Variants in CKAP5 observed in about 807,000 individuals in gnomAD.
CKAP5 encodes cytoskeleton-associated protein 5.
Under a neutral mutation model 232.8 loss-of-function variants are expected in CKAP5, and 27 were observed. The observed-to-expected ratio is 0.12, with a 90% confidence interval of 0.09 to 0.16. The LOEUF is 0.16. Among genes scored for constraint, CKAP5 ranks in the 10% least tolerant of loss-of-function variants. The pLI is 1.00. For missense variants in CKAP5, 1,838 were observed against 2,424.7 expected, an observed-to-expected ratio of 0.76 and a Z score of 5.08; for synonymous variants, 785 against 841.1, an observed-to-expected ratio of 0.93 and a Z score of 1.16.
intron 42 of CKAP5, among the ~76,000 whole-genome samples, chr11:46,745,269 G>A (rs2065014054): frequency 6.6e-6 from 1 of 152,154 alleles, no homozygotes; most frequent in Non-Finnish European, 1.5e-5. Context: ...TAAGGTACTG[G>A]GAGGAAACAC....
At chr11:46,802,103 C>T (rs138631160) in intron 8 of CKAP5, 1 of 152,178 alleles carries the variant, frequency 6.6e-6, no homozygotes, top group African/African-American at 2.4e-5. Context: ...CTGCATTCTT[C>T]TGAGAACCAT....
chr11:46,828,680 A>G (rs1346610843), intron 1 of CKAP5, among the ~76,000 whole-genome samples: 1 of 152,240 alleles, frequency 6.6e-6, no homozygotes, highest in Non-Finnish European at 1.5e-5. Flanking sequence ...ACACAAATGG[A>G]TAATACCCTG....
chr11:46,803,540 T>C (rs1476804043), intron 8 of CKAP5, among the ~76,000 whole-genome samples: 1 of 152,104 alleles, frequency 6.6e-6, no homozygotes, highest in Non-Finnish European at 1.5e-5. Flanking sequence ...AGTGTTGGGA[T>C]TACAGATGTG....
intron 40 of CKAP5, 126 bp downstream of exon 40, chr11:46,750,992 G>T: frequency 9.1e-7 from 1 of 1,098,248 alleles, no homozygotes. Flanking sequence ...GCAGGAGACT[G>T]ATTCAACCAG....
At chr11:46,813,191 A>G (rs1420590170) in intron 4 of CKAP5, among the ~76,000 whole-genome samples, 2 of 152,178 alleles carry the variant, frequency 1.3e-5, no homozygotes, top group African/African-American at 2.4e-5. Flanking sequence ...ATTTTTTAAA[A>G]TGCTTTTATA....
rs1323091153 is a variant in CKAP5 at position 46,783,254 on chromosome 11, T to C, written c.2249+20A>G. ...GACAGAACATTTAACTATTTTCCAC[T>C]TGATTTCGTTCTGACTTACCCAGAA... is the stretch of plus-strand genomic sequence containing the variant. On this transcript the variant is annotated intron_variant, in intron 18 of 43. Coordinates refer to ENST00000529230, the MANE Select transcript of CKAP5 (RefSeq NM_001008938.4). 7.1e-7 allele frequency: 1 copy of C among 1,403,744 alleles called. No homozygotes were observed. The highest frequency in any genetic ancestry group is 1.2e-5 in the South Asian group (1 of 85,586). 87.0% of individuals were successfully genotyped at this position (1,403,744 alleles called of 1,614,324 possible).
Position 46,801,280 on chromosome 11 carries a change from T to G in CKAP5, c.1003A>C (p.Met335Leu), listed in dbSNP as rs755830639. The G allele has an allele frequency of 6.2e-7, 1 of 1,613,630 alleles. No individual in the cohort carries two copies. The highest frequency in any genetic ancestry group is 1.7e-5 in the Admixed American group (1 of 60,010). The change falls in exon 9 of 44, where the codon ATG (methionine) becomes CTG (leucine). Residue 335 changes from methionine to leucine, a missense_variant. Physicochemically the swap from Met to Leu is conservative, Grantham distance 15. Transcript: ENST00000529230. ...KKVVGKDTNVMLVALAAKCLT... is the reference protein window; with the variant it reads ...KKVVGKDTNVLLVALAAKCLT... Reference sequence around the variant, plus strand: ...CATTTTGCTGCCAAAGCCACCAACATGACATTGGTGTCCTTTCCAACAACC... The same window carrying G: ...CATTTTGCTGCCAAAGCCACCAACAGGACATTGGTGTCCTTTCCAACAACC...
chr11:46,751,301 T>G (rs377283816), intron 39 of CKAP5, 45 bp downstream of exon 39: 2 of 1,614,016 alleles, frequency 1.2e-6, no homozygotes, highest in South Asian at 2.2e-5. Context: ...ATTTCCATGA[T>G]TTTCTCTCAA....
At chr11:46,793,979 T>TC (rs1938808324) in intron 13 of CKAP5, among the ~76,000 whole-genome samples, 2 of 151,404 alleles carry the variant, frequency 1.3e-5, no homozygotes. Context: ...AAAATGATTT[T>TC]TGACAAGGGT....
intron 35 of CKAP5, among the ~76,000 whole-genome samples, chr11:46,755,357 G>T (rs1388471076): frequency 6.6e-6 from 1 of 151,988 alleles, no homozygotes; most frequent in Non-Finnish European, 1.5e-5. Context: ...AGGATTACAG[G>T]CGCCTGCCAC....
chr11:46,752,988 T>C (rs558620422), intron 37 of CKAP5: 169 of 427,262 alleles, frequency 4.0e-4, no homozygotes, highest in Non-Finnish European at 6.4e-4. Context: ...ACAAGAAAAA[T>C]GTAACTGACA....
chr11:46,789,482 A>T (rs1938646625), intron 15 of CKAP5, among the ~76,000 whole-genome samples: 1 of 152,188 alleles, frequency 6.6e-6, no homozygotes, highest in South Asian at 2.1e-4. Flanking sequence ...ATGAGCAAGT[A>T]CCATAGTTAA....
rs770768964 is a variant in CKAP5, at chr11:46,801,318, T to C, written c.979-14A>G. The C allele has an allele frequency of 1.9e-6, 3 of 1,592,126 alleles. No homozygotes were observed. The South Asian group carries it at 3.3e-5, about 18-fold the overall frequency. On this transcript the variant is annotated splice_polypyrimidine_tract_variant and intron_variant, in intron 8 of 43. Transcript: ENST00000529230. Reference sequence around the variant, plus strand: ...CTTTCCAACAACCTACAAAGGGGGGTAAAAAGGAAAACAAAATAGTCACAG... The same window carrying C: ...CTTTCCAACAACCTACAAAGGGGGGCAAAAAGGAAAACAAAATAGTCACAG...
intron 24 of CKAP5, 87 bp from the exon 25 acceptor site, chr11:46,771,069 C>G (rs1228475734): frequency 1.6e-5 from 19 of 1,153,052 alleles, no homozygotes; most frequent in Non-Finnish European, 2.0e-5. Flanking sequence ...TCATTAGTCT[C>G]AAGCACTGAA....
At position 46,790,244 on chromosome 11, in the gene CKAP5, A is replaced by G. The variant is rs1367566760; in HGVS notation, c.1765-58T>C. On this transcript the variant is annotated intron_variant, in intron 14 of 43. Coordinates refer to ENST00000529230, the MANE Select transcript of CKAP5 (RefSeq NM_001008938.4). The stretch of plus-strand genomic sequence containing the variant: ...ATTGCTTAAGGGAACAGATGACAAG[A>G]ACGTAAACATACTCCAGCCAAAACT... The G allele has an allele frequency of 5.8e-6, 7 of 1,210,330 alleles. No homozygotes were observed. In the African/African-American group the frequency reaches 1.1e-4, roughly 18 times the overall value. 75.0% of individuals were successfully genotyped at this position (1,210,330 alleles called of 1,614,324 possible).
intron 1 of CKAP5, among the ~76,000 whole-genome samples, chr11:46,835,312 C>A (rs567119233): frequency 6.6e-6 from 1 of 151,568 alleles, no homozygotes; most frequent in South Asian, 2.1e-4. Flanking sequence ...ACACTGACAC[C>A]CCACTAGCAA....
At chr11:46,782,686 C>T (rs2065354474) in intron 18 of CKAP5, among the ~76,000 whole-genome samples, 1 of 152,214 alleles carries the variant, frequency 6.6e-6, no homozygotes, top group Non-Finnish European at 1.5e-5. Flanking sequence ...GCCCAAATTA[C>T]TTAAACTTTC....
chr11:46,811,278 G>T, intron 4 of CKAP5, 100 bp from the exon 5 acceptor site: 1 of 940,052 alleles, frequency 1.1e-6, no homozygotes, highest in South Asian at 2.0e-5. Context: ...CTACATATTA[G>T]AAGAATTATA....
intron 4 of CKAP5, among the ~76,000 whole-genome samples, chr11:46,813,375 G>A (rs1192230788): frequency 6.6e-6 from 1 of 151,924 alleles, no homozygotes; most frequent in Non-Finnish European, 1.5e-5. Context: ...TGTTTCATCT[G>A]AATCTTTTTT....
Sources: gnomAD v4.1 joint callset for allele counts (sites outside exome capture counted in the v4.1 genomes callset) on GRCh38, gnomAD v4.1.1 for gene constraint, MANE v1.5 for transcripts, NCBI Gene and HGNC (gene_info 2026-07-23, HGNC 2026-07-21) for gene names.